Variants in GNL3L observed in about 807,000 individuals in gnomAD.
GNL3L encodes guanine nucleotide-binding protein-like 3-like protein.
GNL3L carries 4 observed loss-of-function variants against 42.9 expected under a neutral mutation model. The observed-to-expected ratio is 0.09, with a 90% CI of 0.05 to 0.21. The LOEUF (loss-of-function observed/expected upper bound fraction) is 0.21. Among genes scored for constraint, GNL3L ranks in the 10% least tolerant of loss-of-function variants. GNL3L has a pLI of 1.00. For synonymous variants in GNL3L, 159 were observed against 176.3 expected, an observed-to-expected ratio of 0.90 and a Z score of 0.78; for missense variants, 412 against 481.7, an observed-to-expected ratio of 0.86 and a Z score of 1.36.
chrX:54,537,318 C>T (rs1291752716), intron 2 of GNL3L, among the ~76,000 whole-genome samples: 3 of 110,540 alleles, frequency 2.7e-5, no homozygotes, highest in African/African-American at 9.9e-5. Flanking sequence ...CCATGGCACC[C>T]GGCCTTGGTT....
intron 16 of GNL3L, among the ~76,000 whole-genome samples, chrX:54,595,724 T>G (rs972085996): frequency 8.9e-6 from 1 of 111,847 alleles, no homozygotes; most frequent in African/African-American, 3.2e-5. Context: ...CATTGTTTTT[T>G]ATTCCTTTTT....
chrX:54,625,286 TTTG>T (rs1018955465), downstream of GNL3L, among the ~76,000 whole-genome samples: 2 of 88,883 alleles, frequency 2.3e-5, no homozygotes, highest in African/African-American at 1.6e-4. Context: ...CTGGTTTTGT[TTTG>T]TTTTTTTTTT....
intron 9 of GNL3L, 57 bp downstream of exon 9, chrX:54,548,430 C>T: frequency 1.0e-6 from 1 of 982,324 alleles, no homozygotes; most frequent in Admixed American, 2.6e-5. Flanking sequence ...GGACACTTCG[C>T]TGGGGGAAAG....
intron 14 of GNL3L, 71 bp downstream of exon 14, chrX:54,554,763 A>G: frequency 1.0e-6 from 1 of 995,930 alleles, no homozygotes; most frequent in South Asian, 2.0e-5. Context: ...AATCCCTTTT[A>G]CCTGCCTTTC....
chrX:54,600,723 C>T (rs1047232103), intron 16 of GNL3L, among the ~76,000 whole-genome samples: 1 of 111,116 alleles, frequency 9.0e-6, no homozygotes, highest in Admixed American at 9.6e-5. Context: ...ACTTATACCT[C>T]TCTAGTGGGA....
At chrX:54,574,162 G>C (rs1288431238) in intron 16 of GNL3L, among the ~76,000 whole-genome samples, 1 of 111,339 alleles carries the variant, frequency 9.0e-6, no homozygotes, top group Non-Finnish European at 1.9e-5. Flanking sequence ...ATACTGACTA[G>C]GACAATGTTG....
At chrX:54,568,538 A>G (rs1329899669), downstream of GNL3L, among the ~76,000 whole-genome samples, 2 of 109,766 alleles carry the variant, frequency 1.8e-5, no homozygotes, top group Non-Finnish European at 3.8e-5. Context: ...CATCTTCAAA[A>G]TAACTATGTA....
At chrX:54,555,942 CTCT>C (rs939697592) in intron 14 of GNL3L, among the ~76,000 whole-genome samples, 1 of 110,306 alleles carries the variant, frequency 9.1e-6, no homozygotes, top group Non-Finnish European at 1.9e-5. Context: ...TTTTTTCAGC[CTCT>C]TCTTCTGCCA....
chrX:54,564,475 T>C lies in GNL3L; in HGVS notation c.*3873T>C, dbSNP rs1925363702. Reference sequence around the variant, plus strand: ...GCTGGAGTGGTGCAGTGGCGTGATCTCGGTTCACTGCAACCTCCGCCTCCA... The same window carrying C: ...GCTGGAGTGGTGCAGTGGCGTGATCCCGGTTCACTGCAACCTCCGCCTCCA... On this transcript the variant is annotated 3_prime_UTR_variant, in exon 16 of 16. Transcript: ENST00000360845. 9.9e-6 allele frequency among the ~76,000 whole-genome samples: 1 copy of C among 101,291 alleles called. No homozygotes were observed. Among genetic ancestry groups the C allele is most frequent in the Non-Finnish European group, 2.0e-5 (1 of 50,327 alleles). 88.0% of individuals were successfully genotyped at this position (101,291 alleles called of 115,157 possible). A position where few individuals can be genotyped will look rare whatever the true frequency, so the allele number is the denominator to read the frequency against.
rs1456718244 is a variant in GNL3L at position 54,567,275 on chromosome X, T to G, written c.*6673T>G. Among the ~76,000 whole-genome samples the G allele has an allele frequency of 2.7e-5, 3 of 111,449 alleles. 1 individual carries two copies. Among genetic ancestry groups the G allele is most frequent in the Non-Finnish European group, 5.7e-5 (3 of 53,093 alleles). On this transcript the variant is annotated 3_prime_UTR_variant, in exon 16 of 16. Transcript: ENST00000360845. ...TCTTCTGTGAATAAACATGGTTTTA[T>G]TTCTTCATGTCTAATATATATGTCT...
At chrX:54,630,726 T>TTC in the GNL3L span, among the ~76,000 whole-genome samples, 1 of 82,962 alleles carries the variant, frequency 1.2e-5, no homozygotes, top group Admixed American at 1.3e-4. Context: ...CTTTCTTTCT[T>TTC]TCTTTCTTTC....
chrX:54,593,856 C>T (rs1005047606), intron 16 of GNL3L, among the ~76,000 whole-genome samples: 2 of 111,333 alleles, frequency 1.8e-5, no homozygotes, highest in African/African-American at 6.5e-5. Flanking sequence ...CCTCATTTAC[C>T]CAGTGGTCAT....
rs1022877264 is a variant in GNL3L, at chrX:54,596,350, G to A, written c.*46-24495G>A. Among the ~76,000 whole-genome samples the A allele has an allele frequency of 1.8e-4, 20 of 111,904 alleles. No homozygotes were observed. In the Admixed American group the frequency reaches 1.8e-3, roughly 10 times the overall value. On this transcript the variant is annotated intron_variant, in intron 16 of 16. Transcript: ENST00000674498. ...CCTTGATGGCCTTGAACAATATTCT[G>A]AGGAATTCTCTGGATTAGTAGGCAG...
chrX:54,545,449 A>G (rs185184679), intron 8 of GNL3L, among the ~76,000 whole-genome samples: 6 of 110,589 alleles, frequency 5.4e-5, no homozygotes, highest in African/African-American at 1.6e-4. Flanking sequence ...CAGGTGATCT[A>G]CCAGCCTTGG....
At position 54,543,099 on chromosome X, in the gene GNL3L, T is replaced by C. The variant is rs1924676121; in HGVS notation, c.390+61T>C. ...GGTTCCAGTCCAGCCCCTTTTCCTC[T>C]CCATTTCTGTTTTTTCCTGACTGAG... On this transcript the variant is annotated intron_variant, in intron 6 of 15. Transcript: ENST00000360845. 6 of 1,087,823 alleles carry C rather than the reference T, an allele frequency of 5.5e-6. No individual in the cohort carries two copies. The Admixed American group carries it at 1.3e-4, about 24-fold the overall frequency. The allele number at this position is 1,087,823 out of a possible 1,213,427, so 89.6% of individuals were successfully genotyped here. A position where few individuals can be genotyped will look rare whatever the true frequency, so the allele number is the denominator to read the frequency against.
In GNL3L at chrX:54,564,402, C is replaced by CT. The variant is rs567172499; in HGVS notation, c.*3820dup. Among the ~76,000 whole-genome samples the CT allele has an allele frequency of 0.16, 13,244 of 80,703 alleles. 1,429 individuals are homozygous for CT. The highest frequency in any genetic ancestry group is 0.23 in the Non-Finnish European group (10,069 of 43,154). 70.1% of individuals were successfully genotyped at this position (80,703 alleles called of 115,157 possible). A position where few individuals can be genotyped will look rare whatever the true frequency, so the allele number is the denominator to read the frequency against. On this transcript the variant is annotated 3_prime_UTR_variant, in exon 16 of 16. Coordinates refer to ENST00000360845, the MANE Select transcript of GNL3L (RefSeq NM_001184819.2). ...AGTCACTGGTTTTTTTCTTCGTTCT[C>CT]TTTTTTTTTTTTTTTTTTTTGAGAC...
intron 16 of GNL3L, among the ~76,000 whole-genome samples, chrX:54,613,499 GT>G (rs1926186193): frequency 9.0e-6 from 1 of 110,848 alleles, no homozygotes. Flanking sequence ...TTTGGGGGGT[GT>G]TGAAGCACCT....
intron 16 of GNL3L, among the ~76,000 whole-genome samples, chrX:54,589,280 A>G (rs1018796960): frequency 1.8e-5 from 2 of 111,460 alleles, no homozygotes; most frequent in Non-Finnish European, 3.8e-5. Context: ...AAATAGTTAG[A>G]TGGAAAAAAT....
chrX:54,617,039 G>C (rs1926229091), intron 16 of GNL3L, among the ~76,000 whole-genome samples: 1 of 111,680 alleles, frequency 9.0e-6, no homozygotes, highest in Non-Finnish European at 1.9e-5. Context: ...ATTTGTGTGG[G>C]AAAAGGAAAA....
Sources: gnomAD v4.1 joint callset for allele counts (sites outside exome capture counted in the v4.1 genomes callset) on GRCh38, gnomAD v4.1.1 for gene constraint, MANE v1.5 for transcripts, NCBI Gene and HGNC (gene_info 2026-07-23, HGNC 2026-07-21) for gene names.